The following B3GALNT1 variants were observed in gnomAD, a reference collection of about 807,000 sequenced individuals.
The protein encoded by B3GALNT1 is UDP-GalNAc:beta-1,3-N-acetylgalactosaminyltransferase 1.
B3GALNT1 carries 17 observed loss-of-function variants against 27.3 expected under a neutral mutation model. That is an observed-to-expected ratio of 0.62 (90% CI 0.43 to 0.94). B3GALNT1 has a LOEUF of 0.94. Among genes scored for constraint, B3GALNT1 ranks in the 40% least tolerant of loss-of-function variants. The pLI is 0.00. For missense variants in B3GALNT1, 347 were observed against 390.0 expected, an observed-to-expected ratio of 0.89 and a Z score of 0.93; for synonymous variants, 141 against 144.0, an observed-to-expected ratio of 0.98 and a Z score of 0.15.
At chr3:161,098,490 G>A (rs1729446807) in intron 4 of B3GALNT1, among the ~76,000 whole-genome samples, 1 of 152,186 alleles carries the variant, frequency 6.6e-6, no homozygotes. Context: ...AAGGCTGGCA[G>A]ACTGCTTGAG....
chr3:161,092,161 TAGAA>T (rs774578974), intron 4 of B3GALNT1, among the ~76,000 whole-genome samples: 19 of 152,178 alleles, frequency 1.2e-4, no homozygotes, highest in Non-Finnish European at 2.4e-4. Context: ...ATACAGAGGA[TAGAA>T]AGAAAAGCTA....
chr3:161,094,811 C>T (rs900310558), intron 4 of B3GALNT1, among the ~76,000 whole-genome samples: 2 of 152,112 alleles, frequency 1.3e-5, no homozygotes, highest in African/African-American at 4.8e-5. Context: ...CCCCAGTAGC[C>T]AGGACCACAG....
chr3:161,101,773 G>C (rs1483684214), intron 3 of B3GALNT1, among the ~76,000 whole-genome samples: 1 of 152,202 alleles, frequency 6.6e-6, no homozygotes, highest in Non-Finnish European at 1.5e-5. Flanking sequence ...TCAGTATGGA[G>C]AAGGGAACTA....
chr3:161,094,965 G>A (rs1053748505), intron 4 of B3GALNT1, among the ~76,000 whole-genome samples: 14 of 151,916 alleles, frequency 9.2e-5, no homozygotes, highest in Non-Finnish European at 1.5e-5. Context: ...AATGGCTTCC[G>A]TTCTTTTTTA....
chr3:161,088,727 C>T (rs1439360969), intron 4 of B3GALNT1, among the ~76,000 whole-genome samples: 2 of 152,190 alleles, frequency 1.3e-5, no homozygotes, highest in Admixed American at 6.5e-5. Flanking sequence ...ACAAATATCT[C>T]ATTCTAACAA....
At chr3:161,104,571 A>C (rs1733256659) in intron 1 of B3GALNT1, 165 bp from the exon 2 acceptor site, 3 of 355,692 alleles carry the variant, frequency 8.4e-6, no homozygotes, top group Non-Finnish European at 5.5e-6. Flanking sequence ...CACCTCTAGG[A>C]ATCTTTTTAA....
At chr3:161,098,947 A>C (rs1729700039) in intron 4 of B3GALNT1, among the ~76,000 whole-genome samples, 1 of 152,264 alleles carries the variant, frequency 6.6e-6, no homozygotes. Flanking sequence ...CTAAGAATCA[A>C]GCTTCTCTGT....
Position 161,103,218 on chromosome 3 carries a change from CAAGAAAA to C in B3GALNT1, c.-130+202_-130+208del, listed in dbSNP as rs537946943. The stretch of plus-strand genomic sequence containing the variant: ...AGTGGCCTTGTCTCTATTTTTCAAG[CAAGAAAA>C]AAGAAAAAAATATATTATCCAAAAT... On this transcript the variant is annotated intron_variant, in intron 3 of 4. Coordinates refer to ENST00000320474, the MANE Select transcript of B3GALNT1 (RefSeq NM_003781.4). 245 of 216,034 alleles carry C rather than the reference CAAGAAAA, an allele frequency of 1.1e-3. 3 individuals carry two copies. In the South Asian group the frequency reaches 0.014, roughly 12 times the overall value. 13.4% of individuals were successfully genotyped at this position (216,034 alleles called of 1,614,324 possible).
chr3:161,103,589 G>T, intron 2 of B3GALNT1, 72 bp from the exon 3 acceptor site: 1 of 536,966 alleles, frequency 1.9e-6, no homozygotes, highest in Non-Finnish European at 2.8e-6. Flanking sequence ...AATCAATGTT[G>T]TATACTTAGC....
At chr3:161,087,398 A>AT (rs1157235803) in intron 4 of B3GALNT1, among the ~76,000 whole-genome samples, 14 of 152,144 alleles carry the variant, frequency 9.2e-5, no homozygotes, top group African/African-American at 1.2e-4. Context: ...CACAAATAGG[A>AT]TCATCTCTCT....
At position 161,086,577 on chromosome 3, in the gene B3GALNT1, T is replaced by C; in HGVS notation, c.178A>G (p.Arg60Gly). ...MYFYEYEPIY[R>G]QDFHFTLREH... ...CGAAGTGTGAAGTGAAAGTCTTGTC[T>C]GTAAATCGGCTCATACTCATAGAAG... The change falls in exon 5 of 5, where the codon AGA (arginine) becomes GGA (glycine). Residue 60 changes from arginine (R) to glycine (G), a missense_variant. Arg to Gly is a moderately radical substitution (Grantham distance 125). Transcript: ENST00000320474. 6.2e-7 allele frequency: 1 copy of C among 1,614,208 alleles called. No homozygotes were observed. Among genetic ancestry groups the C allele is most frequent in the Non-Finnish European group, 8.5e-7 (1 of 1,180,036 alleles).
rs964241699 is a variant in B3GALNT1, at chr3:161,096,166, T to C, written c.-35+4973A>G. Among the ~76,000 whole-genome samples the C allele has an allele frequency of 2.4e-4, 36 of 152,388 alleles. No individual in the cohort carries two copies. In the East Asian group the frequency reaches 6.5e-3, roughly 28 times the overall value. ...GCATACTTTGCAAATGATTTGGTAA[T>C]GTACTTTTATCCACTTAGTAAATAT... On this transcript the variant is annotated intron_variant, in intron 4 of 4. Coordinates refer to ENST00000320474, the MANE Select transcript of B3GALNT1 (RefSeq NM_003781.4).
intron 4 of B3GALNT1, among the ~76,000 whole-genome samples, chr3:161,100,592 G>A (rs1239294500): frequency 6.6e-6 from 1 of 152,144 alleles, no homozygotes; most frequent in Non-Finnish European, 1.5e-5. Flanking sequence ...CTTTCTTGTA[G>A]GCAAAACAAT....
Position 161,085,589 on chromosome 3 carries a change from A to G in B3GALNT1, c.*170T>C. 1 of 675,226 alleles carries G rather than the reference A, an allele frequency of 1.5e-6. No individual in the cohort carries two copies. Among genetic ancestry groups the G allele is most frequent in the Non-Finnish European group, 2.6e-6 (1 of 388,228 alleles). 41.8% of individuals were successfully genotyped at this position (675,226 alleles called of 1,614,324 possible). On this transcript the variant is annotated 3_prime_UTR_variant, in exon 5 of 5. Transcript: ENST00000320474. Reference sequence around the variant, plus strand: ...CCACATATCATCTTTGAAGGGCCTGACTAATAAATCACAAGTGTAACCCTC... The same window carrying G: ...CCACATATCATCTTTGAAGGGCCTGGCTAATAAATCACAAGTGTAACCCTC...
rs1397817059 is a variant in B3GALNT1 at position 161,085,650 on chromosome 3, C to T, written c.*109G>A. 1.6e-6 allele frequency: 2 copies of T among 1,221,164 alleles called. No individual in the cohort carries two copies. Among genetic ancestry groups the T allele is most frequent in the South Asian group, 1.2e-5 (1 of 80,020 alleles). 75.6% of individuals were successfully genotyped at this position (1,221,164 alleles called of 1,614,324 possible). On this transcript the variant is annotated 3_prime_UTR_variant, in exon 5 of 5. Coordinates refer to ENST00000320474, the MANE Select transcript of B3GALNT1 (RefSeq NM_003781.4). ...TCTGGGTTTTTCATGAGTTTCAGTT[C>T]AGTGTAAGCCAGCACACTGACCTCC... is the stretch of plus-strand genomic sequence containing the variant.
intron 4 of B3GALNT1, among the ~76,000 whole-genome samples, chr3:161,097,491 G>T (rs1728839288): frequency 1.3e-5 from 2 of 152,086 alleles, no homozygotes; most frequent in Admixed American, 1.3e-4. Flanking sequence ...TTCCAAATCA[G>T]TAAGTCTTCT....
rs928637777 is a variant in B3GALNT1 at position 161,085,146 on chromosome 3, A to G, written c.*613T>C. On this transcript the variant is annotated 3_prime_UTR_variant, in exon 5 of 5. Transcript: ENST00000320474. ...AAGTAACTGGAAAATGTTTGCATGTAAAGAATGATTCACTATCCTTTTTAT... is the reference window on the plus strand; with the variant it reads ...AAGTAACTGGAAAATGTTTGCATGTGAAGAATGATTCACTATCCTTTTTAT... The G allele has an allele frequency of 6.6e-6, 1 of 152,560 alleles. No individual in the cohort carries two copies. The highest frequency in any genetic ancestry group is 2.4e-5 in the African/African-American group (1 of 41,472). The allele number at this position is 152,560 out of a possible 1,614,324, so 9.5% of individuals were successfully genotyped here.
chr3:161,092,767 T>TTC (rs1553768574), intron 4 of B3GALNT1, among the ~76,000 whole-genome samples: 8 of 140,498 alleles, frequency 5.7e-5, no homozygotes, highest in African/African-American at 8.0e-5. Context: ...ATTTTTCTTT[T>TTC]TTTTTTTTTT....
At position 161,086,617 on chromosome 3, in the gene B3GALNT1, GCGTT is replaced by G; in HGVS notation, c.134_137del (p.Glu45AlafsTer2). 1 of 1,614,126 alleles carries G rather than the reference GCGTT, an allele frequency of 6.2e-7. No individual in the cohort carries two copies. The highest frequency in any genetic ancestry group is 2.2e-5 in the East Asian group (1 of 44,880). The stretch of plus-strand genomic sequence containing the variant: ...ACTCATAGAAGTACATCCAGTTCAC[GCGTT>G]CTATCACATTGTAGTGGGGAAGGCT... On this transcript the variant is annotated frameshift_variant, in exon 5 of 5. Transcript: ENST00000320474. LOFTEE classifies it high-confidence loss of function.
Sources: gnomAD v4.1 joint callset for allele counts (sites outside exome capture counted in the v4.1 genomes callset) on GRCh38, gnomAD v4.1.1 for gene constraint, MANE v1.5 for transcripts, NCBI Gene and HGNC (gene_info 2026-07-23, HGNC 2026-07-21) for gene names.